Variants in BTBD9 observed in about 807,000 individuals in gnomAD.
BTBD9 encodes BTB/POZ domain-containing protein 9.
In BTBD9, 49 loss-of-function variants were observed where a neutral mutation model predicts 64.3. That is an observed-to-expected ratio of 0.76 (90% CI 0.61 to 0.97). The LOEUF is 0.97. BTBD9 is among the 50% of genes least tolerant of loss of function. BTBD9 has a pLI of 0.00. For missense variants in BTBD9, 598 were observed against 762.1 expected, an observed-to-expected ratio of 0.78 and a Z score of 2.53; for synonymous variants, 260 against 274.7, an observed-to-expected ratio of 0.95 and a Z score of 0.53.
In BTBD9 at chr6:38,627,272, A is replaced by T. The variant is rs557102309; in HGVS notation, c.-28+12528T>A. On this transcript the variant is annotated intron_variant, in intron 1 of 10. Transcript: ENST00000481247. Reference sequence around the variant, plus strand: ...TGTCTTATAAAACTAGTAAAATTAAATTCTCATAATCCAAATTAGCTCATT... The same window carrying T: ...TGTCTTATAAAACTAGTAAAATTAATTTCTCATAATCCAAATTAGCTCATT... Among the ~76,000 whole-genome samples the T allele has an allele frequency of 5.9e-5, 9 of 152,324 alleles. No individual in the cohort carries two copies. The South Asian group carries it at 1.7e-3, about 28-fold the overall frequency.
chr6:38,413,760 TA>T (rs1767543665), intron 6 of BTBD9, among the ~76,000 whole-genome samples: 1 of 152,188 alleles, frequency 6.6e-6, no homozygotes, highest in East Asian at 1.9e-4. Flanking sequence ...ACACAACTAC[TA>T]TTTTTTTTAA....
intron 6 of BTBD9, among the ~76,000 whole-genome samples, chr6:38,346,521 T>C (rs774931617): frequency 5.9e-5 from 9 of 151,832 alleles, no homozygotes; most frequent in Non-Finnish European, 1.2e-4. Context: ...TCAGGGCAAC[T>C]GCTACATGTA....
chr6:38,512,866 G>C (rs1772835750), intron 6 of BTBD9, among the ~76,000 whole-genome samples: 1 of 152,180 alleles, frequency 6.6e-6, no homozygotes, highest in Admixed American at 6.5e-5. Flanking sequence ...TAATGCTAAA[G>C]TTTAACATTA....
intron 8 of BTBD9, among the ~76,000 whole-genome samples, chr6:38,274,619 C>T (rs1732565171): frequency 6.6e-6 from 1 of 152,142 alleles, no homozygotes; most frequent in Non-Finnish European, 1.5e-5. Flanking sequence ...AAGGCCTTTT[C>T]TGCATCTATT....
intron 9 of BTBD9, among the ~76,000 whole-genome samples, chr6:38,254,633 C>A (rs1413441592): frequency 6.6e-6 from 1 of 151,992 alleles, no homozygotes; most frequent in Non-Finnish European, 1.5e-5. Flanking sequence ...TGAGACCCTG[C>A]CCCCACCCCA....
At chr6:38,512,480 T>C (rs1339486722) in intron 6 of BTBD9, among the ~76,000 whole-genome samples, 1 of 152,148 alleles carries the variant, frequency 6.6e-6, no homozygotes, top group Non-Finnish European at 1.5e-5. Flanking sequence ...CACTGTATCA[T>C]CTCCAGTGCT....
chr6:38,452,931 A>G (rs1234574330), intron 6 of BTBD9, among the ~76,000 whole-genome samples: 3 of 152,130 alleles, frequency 2.0e-5, no homozygotes, highest in African/African-American at 7.2e-5. Flanking sequence ...CAGATCTCTG[A>G]CTGGAGTAAA....
chr6:38,265,500 C>CTT (rs369951977), intron 8 of BTBD9, among the ~76,000 whole-genome samples: 23 of 133,930 alleles, frequency 1.7e-4, no homozygotes, highest in Admixed American at 9.8e-4. Flanking sequence ...AACTACCAAT[C>CTT]TTTTTTTTTT....
At chr6:38,522,063 C>T (rs1773293405) in intron 6 of BTBD9, among the ~76,000 whole-genome samples, 1 of 152,148 alleles carries the variant, frequency 6.6e-6, no homozygotes, top group Non-Finnish European at 1.5e-5. Flanking sequence ...AGACAACATC[C>T]CACTGCCCGA....
At chr6:38,305,157 A>C (rs1460921364) in intron 7 of BTBD9, among the ~76,000 whole-genome samples, 2 of 152,210 alleles carry the variant, frequency 1.3e-5, no homozygotes, top group African/African-American at 4.8e-5. Context: ...GAAAATCTAA[A>C]AGTTACTGAA....
chr6:38,473,249 CT>C (rs1770727042), intron 6 of BTBD9, among the ~76,000 whole-genome samples: 1 of 152,136 alleles, frequency 6.6e-6, no homozygotes, highest in Admixed American at 6.5e-5. Flanking sequence ...AAAAAATGGG[CT>C]CTGGAACCTC....
intron 6 of BTBD9, among the ~76,000 whole-genome samples, chr6:38,371,476 A>G (rs1765425078): frequency 6.6e-6 from 1 of 152,196 alleles, no homozygotes; most frequent in South Asian, 2.1e-4. Flanking sequence ...CTCATCCAGC[A>G]CATGACAGAC....
chr6:38,532,373 A>G (rs1306214900), intron 6 of BTBD9, among the ~76,000 whole-genome samples: 1 of 152,110 alleles, frequency 6.6e-6, no homozygotes, highest in Admixed American at 6.5e-5. Flanking sequence ...GCCACAAGAG[A>G]CTATACTCCT....
intron 6 of BTBD9, among the ~76,000 whole-genome samples, chr6:38,517,613 A>G (rs1216720258): frequency 1.3e-5 from 2 of 152,032 alleles, no homozygotes; most frequent in Admixed American, 1.3e-4. Flanking sequence ...TGTGGAGTAA[A>G]CTCCTATTAA....
At chr6:38,395,892 G>T (rs1766647075) in intron 6 of BTBD9, among the ~76,000 whole-genome samples, 1 of 152,036 alleles carries the variant, frequency 6.6e-6, no homozygotes, top group Non-Finnish European at 1.5e-5. Flanking sequence ...TGTATTTTTA[G>T]TAGAGATGGG....
chr6:38,194,076 G>A (rs111964418), intron 9 of BTBD9, among the ~76,000 whole-genome samples: 2,105 of 152,274 alleles, frequency 0.014, 49 homozygotes, highest in African/African-American at 0.048. Context: ...CTATTTTCTC[G>A]GTGGGCGACT....
intron 6 of BTBD9, among the ~76,000 whole-genome samples, chr6:38,480,953 T>C (rs1440948545): frequency 6.6e-6 from 1 of 152,246 alleles, no homozygotes; most frequent in Non-Finnish European, 1.5e-5. Flanking sequence ...TGGGTACCTT[T>C]GGCAATGTAA....
At chr6:38,541,094 A>G (rs1774246978) in intron 6 of BTBD9, among the ~76,000 whole-genome samples, 1 of 152,182 alleles carries the variant, frequency 6.6e-6, no homozygotes, top group African/African-American at 2.4e-5. Flanking sequence ...AAACTTAAAG[A>G]CAATGTTTCT....
At chr6:38,283,671 C>T (rs1270217786) in intron 8 of BTBD9, among the ~76,000 whole-genome samples, 1 of 152,130 alleles carries the variant, frequency 6.6e-6, no homozygotes, top group Non-Finnish European at 1.5e-5. Flanking sequence ...TATTTAAAAC[C>T]AATATACCAT....
Sources: gnomAD v4.1 joint callset for allele counts (sites outside exome capture counted in the v4.1 genomes callset) on GRCh38, gnomAD v4.1.1 for gene constraint, MANE v1.5 for transcripts, NCBI Gene and HGNC (gene_info 2026-07-23, HGNC 2026-07-21) for gene names.